Variants in PC observed in about 807,000 individuals in gnomAD.
PC encodes pyruvate carboxylase, mitochondrial.
In PC, 46 loss-of-function variants were observed where a neutral mutation model predicts 107.8. That is an observed-to-expected ratio of 0.43 (90% confidence interval 0.34 to 0.55). The LOEUF is 0.55. PC is among the 20% of genes least tolerant of loss of function. PC has a pLI of 0.04. For synonymous variants in PC, 662 were observed against 684.7 expected (o/e 0.97, Z 0.52); for missense variants, 1,241 against 1,643.1 (o/e 0.76, Z 4.23).
chr11:66,851,999 C>T, intron 15 of PC, 53 bp from the exon 16 acceptor site: 1 of 1,592,922 alleles, frequency 6.3e-7, no homozygotes, highest in South Asian at 1.1e-5. Context: ...GGGAACTCCA[C>T]CAGGCCTTGG....
chr11:66,933,394 C>G (rs1444464116), intron 3 of PC, among the ~76,000 whole-genome samples: 1 of 152,178 alleles, frequency 6.6e-6, no homozygotes, highest in Non-Finnish European at 1.5e-5. Context: ...GCTTATTGCT[C>G]TGGTCTCAAG....
At chr11:66,956,576 A>G (rs1188972499) in intron 1 of PC, among the ~76,000 whole-genome samples, 1 of 151,840 alleles carries the variant, frequency 6.6e-6, no homozygotes, top group Non-Finnish European at 1.5e-5. Context: ...CAAGAGCGAA[A>G]CTCCATCTCA....
intron 3 of PC, among the ~76,000 whole-genome samples, chr11:66,874,931 C>T (rs142983776): frequency 2.8e-4 from 42 of 152,194 alleles, no homozygotes; most frequent in East Asian, 1.5e-3. Context: ...AAGTCGGCCA[C>T]GCACAGATCC....
Position 66,858,206 on chromosome 11 carries a change from C to A in PC, c.1369-4823G>T, listed in dbSNP as rs1240083207. ...GCCTGGAGGACCTGGACCTGTCCTA[C>A]AACAACCTCCGGCAGGTGCCCTGGG... On this transcript the variant is annotated intron_variant, in intron 12 of 22. Transcript: ENST00000393960. This position sits in a 1 kb window ranked among gnomAD's most constrained non-coding sequence, Gnocchi z 5.9. The A allele has an allele frequency of 6.2e-7, 1 of 1,612,496 alleles. No homozygotes were observed. Among genetic ancestry groups the A allele is most frequent in the Non-Finnish European group, 8.5e-7 (1 of 1,179,878 alleles).
intron 12 of PC, among the ~76,000 whole-genome samples, chr11:66,856,315 G>A (rs975956792): frequency 6.6e-6 from 1 of 152,182 alleles, no homozygotes; most frequent in African/African-American, 2.4e-5. Flanking sequence ...AGACCAATCC[G>A]GCCCGAGGCG....
intron 3 of PC, among the ~76,000 whole-genome samples, chr11:66,874,679 G>A (rs1346185153): frequency 6.6e-6 from 1 of 152,224 alleles, no homozygotes; most frequent in Non-Finnish European, 1.5e-5. Context: ...ACAGTTCTAA[G>A]CCTTAGGAGT....
intron 3 of PC, among the ~76,000 whole-genome samples, chr11:66,876,672 G>A (rs893723450): frequency 2.0e-5 from 3 of 152,188 alleles, no homozygotes; most frequent in African/African-American, 2.4e-5. Context: ...GCGAGTTATC[G>A]GATGCTGCCC....
intron 3 of PC, among the ~76,000 whole-genome samples, chr11:66,888,362 C>T (rs898303151): frequency 6.6e-5 from 10 of 152,230 alleles, no homozygotes; most frequent in African/African-American, 2.2e-4. Context: ...TTTTGAGACA[C>T]GCCAGGCCTT....
intron 3 of PC, among the ~76,000 whole-genome samples, chr11:66,947,312 G>A (rs922935654): frequency 5.3e-5 from 8 of 152,042 alleles, no homozygotes; most frequent in African/African-American, 1.7e-4. Flanking sequence ...AGCTGGGTGC[G>A]GTGGCTCATG....
intron 1 of PC, chr11:66,957,715 AATAAGGGGCTG>A (rs1949600051): frequency 6.6e-6 from 1 of 152,244 alleles, no homozygotes; most frequent in Non-Finnish European, 1.5e-5. Flanking sequence ...AAGCTGGAGA[AATAAGGGGCTG>A]AGCCCAGCCC....
chr11:66,867,864 C>T (rs1297676535), intron 10 of PC, among the ~76,000 whole-genome samples: 3 of 152,200 alleles, frequency 2.0e-5, no homozygotes, highest in Non-Finnish European at 2.9e-5. Flanking sequence ...ATGCCCCCGG[C>T]GAGCCACAGC....
chr11:66,921,821 T>C (rs148145989), intron 3 of PC, among the ~76,000 whole-genome samples: 41 of 152,362 alleles, frequency 2.7e-4, no homozygotes, highest in African/African-American at 8.9e-4. Context: ...TATTCTTTTA[T>C]ATAAATTTAG....
At chr11:66,860,116 C>T (rs1442316080) in intron 12 of PC, 1 of 1,551,276 alleles carries the variant, frequency 6.4e-7, no homozygotes, top group East Asian at 2.4e-5. Context: ...CGGAGCCACT[C>T]TGTGCATGGG....
intron 3 of PC, among the ~76,000 whole-genome samples, chr11:66,876,553 C>T (rs935242792): frequency 2.0e-5 from 3 of 152,226 alleles, no homozygotes; most frequent in African/African-American, 2.4e-5. Context: ...GGAGCACCAG[C>T]GAGGAGCTCA....
chr11:66,914,233 T>C (rs1565283764), intron 3 of PC, among the ~76,000 whole-genome samples: 1 of 152,288 alleles, frequency 6.6e-6, no homozygotes, highest in East Asian at 1.9e-4. Context: ...GCTTTGCAGC[T>C]GGGTGCGGTG....
chr11:66,926,605 C>T (rs1029231025), intron 3 of PC, among the ~76,000 whole-genome samples: 12 of 152,154 alleles, frequency 7.9e-5, no homozygotes, highest in African/African-American at 2.7e-4. Flanking sequence ...GTTACCAGTA[C>T]TATACAGTTC....
chr11:66,952,303 A>C (rs1472506609), intron 3 of PC, 127 bp downstream of exon 3: 1 of 152,212 alleles, frequency 6.6e-6, no homozygotes, highest in African/African-American at 2.4e-5. Flanking sequence ...TTATCCACAA[A>C]TCAGAGCGCA....
chr11:66,890,962 A>G (rs1947553766), intron 3 of PC, among the ~76,000 whole-genome samples: 1 of 152,168 alleles, frequency 6.6e-6, no homozygotes, highest in Admixed American at 6.5e-5. Flanking sequence ...TAAAAAATGA[A>G]TAACTTTGAC....
Position 66,858,565 on chromosome 11 carries a change from G to A in PC, c.1369-5182C>T. Reference sequence around the variant, plus strand: ...CGCTACTTCTGGGCAGTGCCCGAGGGCGAGTTCTCCTGTGAGCCGCCCCTC... The same window carrying A: ...CGCTACTTCTGGGCAGTGCCCGAGGACGAGTTCTCCTGTGAGCCGCCCCTC... On this transcript the variant is annotated intron_variant, in intron 12 of 22. Transcript: ENST00000393960. The surrounding 1 kb of genome is among the most constrained non-coding windows in gnomAD (Gnocchi z 5.9). 3 of 1,533,150 alleles carry A rather than the reference G, an allele frequency of 2.0e-6. No individual in the cohort carries two copies. The highest frequency in any genetic ancestry group is 1.2e-5 in the South Asian group (1 of 83,874). 95.0% of individuals were successfully genotyped at this position (1,533,150 alleles called of 1,614,324 possible). A position where few individuals can be genotyped will look rare whatever the true frequency, so the allele number is the denominator to read the frequency against.
Sources: allele counts gnomAD v4.1 joint callset (sites outside exome capture counted in the v4.1 genomes callset), GRCh38; gene constraint gnomAD v4.1.1; non-coding constraint Gnocchi (gnomAD v3.1); transcripts MANE v1.5; gene names NCBI Gene and HGNC (gene_info 2026-07-23, HGNC 2026-07-21).